PRLR: variants seen among roughly 807,000 people sequenced by gnomAD.
The protein encoded by PRLR is hPRL receptor.
A neutral mutation model predicts 40.2 loss-of-function variants in PRLR; 13 were observed. The observed-to-expected ratio is 0.32, with a 90% CI of 0.21 to 0.51. The LOEUF (loss-of-function observed/expected upper bound fraction) is 0.51. Among genes scored for constraint, PRLR ranks in the 20% least tolerant of loss-of-function variants. The probability of loss-of-function intolerance (pLI) is 0.97; values close to 1 mark genes in which losing one functional copy is unlikely to be tolerated. For synonymous variants in PRLR, 269 were observed against 278.7 expected, an observed-to-expected ratio of 0.97 and a Z score of 0.35; for missense variants, 656 against 747.3, an observed-to-expected ratio of 0.88 and a Z score of 1.42.
chr5:35,128,940 C>G (rs373415054), intron 1 of PRLR, among the ~76,000 whole-genome samples: 63 of 152,308 alleles, frequency 4.1e-4, no homozygotes, highest in African/African-American at 1.5e-3. Context: ...TCCCCGTATT[C>G]CCTCTTTTTC....
chr5:35,104,935 T>C (rs1329688495), intron 2 of PRLR, among the ~76,000 whole-genome samples: 1 of 152,244 alleles, frequency 6.6e-6, no homozygotes, highest in Non-Finnish European at 1.5e-5. Context: ...AGTGGGTCCC[T>C]GACCCCCGAG....
At chr5:35,204,788 A>G (rs1269186885) in intron 1 of PRLR, among the ~76,000 whole-genome samples, 3 of 152,158 alleles carry the variant, frequency 2.0e-5, no homozygotes, top group African/African-American at 4.8e-5. Context: ...ATGCATCTCT[A>G]TATGTCGACT....
intron 3 of PRLR, among the ~76,000 whole-genome samples, chr5:35,087,204 C>A (rs1188560942): frequency 6.6e-6 from 1 of 152,044 alleles, no homozygotes; most frequent in East Asian, 1.9e-4. Context: ...GTTGGTCAGG[C>A]TGGTCTTGAA....
rs1769199244 is a variant in PRLR, at chr5:35,064,048, T to C, written c.*1041A>G. 1 of 152,236 alleles carries C rather than the reference T, an allele frequency of 6.6e-6. No homozygotes were observed. Among genetic ancestry groups the C allele is most frequent in the Admixed American group, 6.5e-5 (1 of 15,282 alleles). The allele number at this position is 152,236 out of a possible 1,614,324, so 9.4% of individuals were successfully genotyped here. ...TTACTCCACAAACGGGAACTTTATA[T>C]ACTACTATGTACTGTAAATACACAT... On this transcript the variant is annotated 3_prime_UTR_variant, in exon 10 of 10. Coordinates refer to ENST00000618457, the MANE Select transcript of PRLR (RefSeq NM_000949.7).
intron 8 of PRLR, among the ~76,000 whole-genome samples, chr5:35,050,509 T>C (rs1768458486): frequency 6.6e-6 from 1 of 152,210 alleles, no homozygotes; most frequent in African/African-American, 2.4e-5. Context: ...CTATCTCAGT[T>C]TGCACAAATG....
At chr5:35,183,142 C>A (rs952417634) in intron 1 of PRLR, among the ~76,000 whole-genome samples, 1 of 152,174 alleles carries the variant, frequency 6.6e-6, no homozygotes, top group South Asian at 2.1e-4. Context: ...CACTACCCTG[C>A]CAAGTGTCCA....
At chr5:35,051,808 G>A (rs1768507199), downstream of PRLR, among the ~76,000 whole-genome samples, 1 of 152,046 alleles carries the variant, frequency 6.6e-6, no homozygotes, top group Admixed American at 6.6e-5. Context: ...GTTTTTAAAA[G>A]ACACACCTAA....
chr5:35,153,775 A>ACACACC (rs1774408667), intron 1 of PRLR, among the ~76,000 whole-genome samples: 1 of 148,454 alleles, frequency 6.7e-6, no homozygotes, highest in Admixed American at 6.6e-5. Context: ...ACACACACAC[A>ACACACC]CCCCATTGTT....
At chr5:35,087,190 C>A (rs910635701) in intron 3 of PRLR, among the ~76,000 whole-genome samples, 1 of 152,080 alleles carries the variant, frequency 6.6e-6, no homozygotes, top group African/African-American at 2.4e-5. Flanking sequence ...TGGGGTTTCA[C>A]CATGTTGGTC....
chr5:35,107,271 G>A (rs1376236316), intron 2 of PRLR, among the ~76,000 whole-genome samples: 2 of 152,190 alleles, frequency 1.3e-5, no homozygotes, highest in Non-Finnish European at 2.9e-5. Flanking sequence ...ACAAGAGAAA[G>A]CAGGAAAGAT....
chr5:35,119,527 A>G (rs1579693911), intron 1 of PRLR, among the ~76,000 whole-genome samples: 1 of 152,166 alleles, frequency 6.6e-6, no homozygotes, highest in East Asian at 1.9e-4. Flanking sequence ...GCCAGCCCCA[A>G]GGCATTTGAT....
At chr5:35,207,284 A>G (rs901432418) in intron 1 of PRLR, among the ~76,000 whole-genome samples, 6 of 152,110 alleles carry the variant, frequency 3.9e-5, no homozygotes, top group Non-Finnish European at 1.5e-5. Context: ...AACTATGAAC[A>G]CTTATAATTA....
At chr5:35,229,906 A>G (rs1206940154) in intron 1 of PRLR, among the ~76,000 whole-genome samples, 2 of 152,054 alleles carry the variant, frequency 1.3e-5, no homozygotes, top group Non-Finnish European at 2.9e-5. Flanking sequence ...TGAGAATCCC[A>G]CAATCAACGC....
At chr5:35,085,854 A>T (rs1348791148) in intron 4 of PRLR, among the ~76,000 whole-genome samples, 1 of 152,222 alleles carries the variant, frequency 6.6e-6, no homozygotes, top group African/African-American at 2.4e-5. Context: ...TATTGGGTCC[A>T]TTTAACCATT....
chr5:35,052,366 T>A (rs1326583279), downstream of PRLR, among the ~76,000 whole-genome samples: 1 of 152,176 alleles, frequency 6.6e-6, no homozygotes, highest in African/African-American at 2.4e-5. Flanking sequence ...TCAATAGATG[T>A]AGAAAAAAAT....
downstream of PRLR, among the ~76,000 whole-genome samples, chr5:35,053,460 C>T (rs1768576327): frequency 6.6e-6 from 1 of 152,150 alleles, no homozygotes; most frequent in Admixed American, 6.6e-5. Flanking sequence ...TGAGACCAAC[C>T]TGCACAACAT....
At position 35,055,849 on chromosome 5, in the gene PRLR, C is replaced by CTGAG. The variant is rs1768682161; in HGVS notation, c.*9239_*9240insCTCA. 6.6e-6 allele frequency: 1 copy of CTGAG among 152,182 alleles called. No individual in the cohort carries two copies. Among genetic ancestry groups the CTGAG allele is most frequent in the Non-Finnish European group, 1.5e-5 (1 of 68,034 alleles). 9.4% of individuals were successfully genotyped at this position (152,182 alleles called of 1,614,324 possible). A position where few individuals can be genotyped will look rare whatever the true frequency, so the allele number is the denominator to read the frequency against. The stretch of plus-strand genomic sequence containing the variant: ...ATATTGATTATATAAAGTAAAACTA[C>CTGAG]TGGCAAACGTCATTTAAGCTTACCC... On this transcript the variant is annotated 3_prime_UTR_variant, in exon 10 of 10. Transcript: ENST00000618457.
intron 1 of PRLR, among the ~76,000 whole-genome samples, chr5:35,158,241 T>A (rs1486355235): frequency 6.6e-6 from 1 of 152,192 alleles, no homozygotes; most frequent in Non-Finnish European, 1.5e-5. Context: ...GCTGTTTATA[T>A]GTTGTCTTCC....
intron 1 of PRLR, among the ~76,000 whole-genome samples, chr5:35,171,448 T>C (rs917815939): frequency 6.6e-6 from 1 of 152,150 alleles, no homozygotes; most frequent in Non-Finnish European, 1.5e-5. Context: ...TTGAGGACCA[T>C]CATCTCAGTA....
Sources: allele counts gnomAD v4.1 joint callset (sites outside exome capture counted in the v4.1 genomes callset), GRCh38; gene constraint gnomAD v4.1.1; transcripts MANE v1.5; gene names NCBI Gene and HGNC (gene_info 2026-07-23, HGNC 2026-07-21).